FAP: variants seen among roughly 807,000 people sequenced by gnomAD.
FAP encodes prolyl endopeptidase FAP.
Under a neutral mutation model 126.5 loss-of-function variants are expected in FAP, and 110 were observed. The observed-to-expected ratio is 0.87, with a 90% CI of 0.74 to 1.02. FAP has a LOEUF of 1.02. Among genes scored for constraint, FAP ranks in the 50% least tolerant of loss-of-function variants. FAP has a pLI of 0.00. For synonymous variants in FAP, 334 were observed against 297.3 expected (o/e 1.12, Z -1.27); for missense variants, 919 against 909.2 (o/e 1.01, Z -0.14).
intron 2 of FAP, among the ~76,000 whole-genome samples, chr2:162,238,388 G>A (rs1690222867): frequency 6.6e-6 from 1 of 152,130 alleles, no homozygotes. Flanking sequence ...TCTGAGACAG[G>A]TAAACGCCTC....
At chr2:162,231,982 T>G (rs1169658323) in intron 2 of FAP, among the ~76,000 whole-genome samples, 2 of 152,228 alleles carry the variant, frequency 1.3e-5, no homozygotes, top group African/African-American at 2.4e-5. Context: ...TCCATCTTCC[T>G]GCTGGCTCTG....
chr2:162,172,836 T>A lies in FAP; in HGVS notation c.2156A>T (p.Asn719Ile). The A allele has an allele frequency of 6.2e-7, 1 of 1,612,918 alleles. No homozygotes were observed. The highest frequency in any genetic ancestry group is 8.5e-7 in the Non-Finnish European group (1 of 1,179,180). Residue 719 changes from asparagine to isoleucine, a missense_variant, in exon 25 of 26, where the codon AAT (asparagine) becomes ATT (isoleucine). By Grantham distance (149) the Asn-to-Ile change is moderately radical. Coordinates refer to ENST00000188790, the MANE Select transcript of FAP (RefSeq NM_004460.5). ...CATTGCCTGGAAATCCACTTGTGCA[T>A]TAACCAGAGCTTTAGCAATCTGTGC... ...NSAQIAKALV[N>I]AQVDFQAMWY...
intron 17 of FAP, among the ~76,000 whole-genome samples, chr2:162,192,342 A>G (rs1299680330): frequency 6.6e-6 from 1 of 151,958 alleles, no homozygotes; most frequent in Non-Finnish European, 1.5e-5. Flanking sequence ...TCTCTGCAGC[A>G]TCTGGTACAG....
intron 25 of FAP, chr2:162,171,380 G>C (rs1257305904): frequency 4.8e-6 from 1 of 207,716 alleles, no homozygotes; most frequent in East Asian, 1.0e-4. Flanking sequence ...GTGATGCACT[G>C]GGTCTGTTAA....
intron 16 of FAP, 126 bp downstream of exon 16, chr2:162,198,626 TAAGCA>T: frequency 8.5e-7 from 1 of 1,183,044 alleles, no homozygotes; most frequent in Admixed American, 2.4e-5. Context: ...TTTTTTTCTA[TAAGCA>T]CAAGATAAGA....
chr2:162,175,256 T>C (rs1687445072), intron 21 of FAP: 1 of 182,316 alleles, frequency 5.5e-6, no homozygotes, highest in Admixed American at 6.1e-5. Flanking sequence ...AATTTTCTTT[T>C]GCAAAAAAAA....
chr2:162,208,122 G>A lies in FAP; in HGVS notation c.1047+1830C>T, dbSNP rs373546001. Among the ~76,000 whole-genome samples, 1,023 of 151,780 alleles carry A rather than the reference G, an allele frequency of 6.7e-3. 4 individuals are homozygous for A. The highest frequency in any genetic ancestry group is 0.02 in the Middle Eastern group (6 of 294). ...AATACAAAAATTAGCTGGGCGTGAT[G>A]GTGGGCGCCTGCAATCCCGGCTACT... is the stretch of plus-strand genomic sequence containing the variant. On this transcript the variant is annotated intron_variant, in intron 12 of 25. Transcript: ENST00000188790.
intron 16 of FAP, chr2:162,198,312 T>G (rs961090430): frequency 1.4e-5 from 18 of 1,288,624 alleles, no homozygotes; most frequent in Non-Finnish European, 1.6e-5. Flanking sequence ...GATGTGAGAG[T>G]TTGATATTTC....
chr2:162,194,469 C>T (rs1179569646), intron 17 of FAP, among the ~76,000 whole-genome samples: 1 of 152,090 alleles, frequency 6.6e-6, no homozygotes, highest in Non-Finnish European at 1.5e-5. Context: ...TCTGATATAA[C>T]TCATCTATCT....
intron 19 of FAP, 120 bp from the exon 20 acceptor site, chr2:162,188,483 G>T: frequency 1.1e-6 from 1 of 877,442 alleles, no homozygotes; most frequent in East Asian, 2.7e-5. Flanking sequence ...TAACAATGGC[G>T]TTAGAACTGG....
chr2:162,224,416 T>C (rs753333564), intron 5 of FAP, 50 bp downstream of exon 5: 2 of 1,119,196 alleles, frequency 1.8e-6, no homozygotes, highest in South Asian at 2.7e-5. Context: ...AACCACCTTG[T>C]GGATTAGTAG....
At chr2:162,179,804 A>AT (rs1559761533) in intron 21 of FAP, among the ~76,000 whole-genome samples, 9 of 139,882 alleles carry the variant, frequency 6.4e-5, no homozygotes, top group African/African-American at 1.9e-4. Flanking sequence ...ATATATATAT[A>AT]TATATATATT....
At chr2:162,193,418 G>A (rs187984979) in intron 17 of FAP, 32 of 152,260 alleles carry the variant, frequency 2.1e-4, no homozygotes, top group Non-Finnish European at 3.7e-4. Flanking sequence ...TTTGTAAATA[G>A]TGAGTGAAGT....
In FAP at chr2:162,198,821, T is replaced by C; in HGVS notation, c.1338A>G (p.Glu446=). 1 of 1,614,056 alleles carries C rather than the reference T, an allele frequency of 6.2e-7. No individual in the cohort carries two copies. The highest frequency in any genetic ancestry group is 8.5e-7 in the Non-Finnish European group (1 of 1,179,898). ...KKCVTCHLRK[E]RCQYYTASFS... ...AACTTGCTGTGTAATATTGGCACCT[T>C]TCTTTCCTTAGATGGCAAGTAACAC... Residue 446 remains glutamate, a synonymous_variant, in exon 16 of 26, where the codon GAA becomes GAG. Transcript: ENST00000188790.
chr2:162,240,932 A>G (rs1186904956), intron 2 of FAP, among the ~76,000 whole-genome samples: 1 of 152,130 alleles, frequency 6.6e-6, no homozygotes, highest in Non-Finnish European at 1.5e-5. Context: ...GTGAGATGTG[A>G]GAAGAAAGGA....
At chr2:162,198,685 A>C (rs907112062) in intron 16 of FAP, 72 bp downstream of exon 16, 5 of 1,543,622 alleles carry the variant, frequency 3.2e-6, no homozygotes, top group Non-Finnish European at 4.4e-6. Flanking sequence ...CTACGAATTG[A>C]TCAGATAGAG....
chr2:162,181,995 C>A (rs1438247093), intron 21 of FAP, among the ~76,000 whole-genome samples: 1 of 152,134 alleles, frequency 6.6e-6, no homozygotes, highest in Non-Finnish European at 1.5e-5. Context: ...TCTGAGTCGA[C>A]CTCACAGTCA....
intron 16 of FAP, among the ~76,000 whole-genome samples, chr2:162,195,867 C>G (rs74515859): frequency 0.049 from 7,416 of 152,108 alleles, 549 homozygotes; most frequent in East Asian, 0.29. Context: ...CCCCACCCCC[C>G]CCAGATAGGG....
intron 21 of FAP, among the ~76,000 whole-genome samples, chr2:162,179,244 GGT>G (rs1491240221): frequency 5.1e-5 from 5 of 98,390 alleles, no homozygotes; most frequent in Non-Finnish European, 9.5e-5. Context: ...AAACTTGACA[GGT>G]TTTTTTTTTT....
Sources: allele counts gnomAD v4.1 joint callset (sites outside exome capture counted in the v4.1 genomes callset), GRCh38; gene constraint gnomAD v4.1.1; transcripts MANE v1.5; gene names NCBI Gene and HGNC (gene_info 2026-07-23, HGNC 2026-07-21).